The following RNF111 variants were observed in gnomAD, a reference collection of about 807,000 sequenced individuals.
RNF111 encodes ring finger protein 111, also known as E3 ubiquitin-protein ligase Arkadia.
RNF111 carries 17 observed loss-of-function variants against 95.1 expected under a neutral mutation model. That is an observed-to-expected ratio of 0.18 (90% CI 0.12 to 0.27). The LOEUF is 0.27. Ranked by LOEUF, RNF111 falls within the 10% of genes least tolerant of loss-of-function variation. The pLI, the probability that RNF111 is intolerant of heterozygous loss-of-function variation, is 1.00. For synonymous variants in RNF111, 440 were observed against 414.8 expected, an observed-to-expected ratio of 1.06 and a Z score of -0.74; for missense variants, 1,189 against 1,210.4, an observed-to-expected ratio of 0.98 and a Z score of 0.26.
chr15:59,094,686 C>T (rs1342500702), intron 13 of RNF111, 97 bp from the exon 14 acceptor site: 37 of 735,522 alleles, frequency 5.0e-5, no homozygotes, highest in Non-Finnish European at 6.5e-5. Flanking sequence ...TGCTTAGTAC[C>T]TTCAAAACAT....
intron 6 of RNF111, among the ~76,000 whole-genome samples, chr15:59,070,679 G>A (rs144536525): frequency 3.3e-5 from 5 of 152,240 alleles, no homozygotes; most frequent in Non-Finnish European, 5.9e-5. Context: ...AAAGAAAGGA[G>A]CTCCTCCTTT....
intron 2 of RNF111, among the ~76,000 whole-genome samples, chr15:59,042,441 A>G (rs1266601983): frequency 1.4e-4 from 21 of 151,962 alleles, no homozygotes; most frequent in Non-Finnish European, 1.5e-4. Context: ...TTTTTTTCAC[A>G]AGTCATATTT....
intron 4 of RNF111, among the ~76,000 whole-genome samples, chr15:59,056,315 T>A (rs2042198792): frequency 6.6e-6 from 1 of 152,230 alleles, no homozygotes; most frequent in Non-Finnish European, 1.5e-5. Flanking sequence ...TTTTGTATTT[T>A]ATTTTGGCTT....
At chr15:59,027,166 G>A (rs2040655020) in intron 1 of RNF111, among the ~76,000 whole-genome samples, 1 of 152,108 alleles carries the variant, frequency 6.6e-6, no homozygotes, top group Admixed American at 6.5e-5. Context: ...ATCAACATGA[G>A]GACTTAGTAA....
intron 5 of RNF111, among the ~76,000 whole-genome samples, chr15:59,065,662 T>C (rs1243793733): frequency 6.6e-6 from 1 of 152,176 alleles, no homozygotes; most frequent in Non-Finnish European, 1.5e-5. Context: ...TATTAGAGTC[T>C]AATCATTTCT....
At chr15:59,070,269 G>A (rs35527453) in intron 6 of RNF111, among the ~76,000 whole-genome samples, 101,378 of 151,432 alleles carry the variant, frequency 0.67, 34,274 homozygotes, top group Middle Eastern at 0.77. Context: ...TTGTCCTTCG[G>A]GAATAAGAAT....
At chr15:58,994,164 G>T (rs2038943585) in intron 1 of RNF111, among the ~76,000 whole-genome samples, 1 of 149,900 alleles carries the variant, frequency 6.7e-6, no homozygotes, top group Non-Finnish European at 1.5e-5. Flanking sequence ...CACCCTCCCA[G>T]GTAGCTGGGA....
Position 59,058,560 on chromosome 15 carries a change from A to G in RNF111, c.1366+10A>G, listed in dbSNP as rs1003686326. 6.2e-7 allele frequency: 1 copy of G among 1,612,360 alleles called. No individual in the cohort carries two copies. Among genetic ancestry groups the G allele is most frequent in the Admixed American group, 1.7e-5 (1 of 59,968 alleles). On this transcript the variant is annotated intron_variant, in intron 5 of 13. Transcript: ENST00000348370. ...GGCACTTCTATAGGAGGTATGTAAA[A>G]AAGTGGGGGAGGGGAGACTTTTTGT... is the stretch of plus-strand genomic sequence containing the variant.
intron 2 of RNF111, among the ~76,000 whole-genome samples, chr15:59,040,836 C>G (rs1227172273): frequency 6.6e-5 from 10 of 152,102 alleles, no homozygotes; most frequent in African/African-American, 2.4e-4. Flanking sequence ...CATTTAGGTT[C>G]ATTTATTTCA....
intron 2 of RNF111, 146 bp downstream of exon 2, chr15:59,031,848 A>C: frequency 2.8e-6 from 2 of 722,738 alleles, no homozygotes; most frequent in South Asian, 4.2e-5. Context: ...TACCAATTGC[A>C]GTATTAAACC....
chr15:59,034,905 A>G (rs1463862549), intron 2 of RNF111, among the ~76,000 whole-genome samples: 1 of 152,208 alleles, frequency 6.6e-6, no homozygotes, highest in Non-Finnish European at 1.5e-5. Context: ...TTTTTCATAC[A>G]ATGTGCTTGT....
At chr15:59,042,017 T>C (rs1394871006) in intron 2 of RNF111, among the ~76,000 whole-genome samples, 1 of 151,582 alleles carries the variant, frequency 6.6e-6, no homozygotes, top group African/African-American at 2.4e-5. Flanking sequence ...TTCATTCTTC[T>C]ATCCATTTTT....
intron 1 of RNF111, among the ~76,000 whole-genome samples, chr15:59,018,670 A>G (rs927440993): frequency 2.0e-5 from 3 of 152,312 alleles, no homozygotes; most frequent in Admixed American, 1.3e-4. Context: ...TTACAAATGC[A>G]TATATTAATA....
intron 3 of RNF111, among the ~76,000 whole-genome samples, chr15:59,055,226 A>G (rs1327280364): frequency 6.6e-6 from 1 of 152,096 alleles, no homozygotes; most frequent in Non-Finnish European, 1.5e-5. Context: ...GTTTTCTTTT[A>G]TGGCAATACT....
At chr15:59,003,602 G>A (rs1050318974) in intron 1 of RNF111, among the ~76,000 whole-genome samples, 1 of 147,252 alleles carries the variant, frequency 6.8e-6, no homozygotes, top group Admixed American at 6.7e-5. Context: ...GGGTTTTGCC[G>A]TGTTGCCCAG....
At chr15:59,023,851 G>C (rs1383784866) in intron 1 of RNF111, among the ~76,000 whole-genome samples, 3 of 152,278 alleles carry the variant, frequency 2.0e-5, no homozygotes, top group African/African-American at 2.4e-5. Context: ...TGCCAGTCTA[G>C]TTTGAAGATT....
In RNF111 at chr15:59,015,896, G is replaced by C. The variant is rs117478117; in HGVS notation, c.-19-14908G>C. On this transcript the variant is annotated intron_variant, in intron 1 of 13. Transcript: ENST00000348370. ...TATTCGAGACAGGTTCTCACGCCCA[G>C]GTTGGAGTGCAGTGGCGTGATCTTG... 2.0e-4 allele frequency among the ~76,000 whole-genome samples: 30 copies of C among 152,162 alleles called. No homozygotes were observed. The East Asian group carries it at 5.6e-3, about 28-fold the overall frequency.
In RNF111 at chr15:59,094,904, C is replaced by T. The variant is rs1201673173; in HGVS notation, c.*4C>T. 2 of 1,534,344 alleles carry T rather than the reference C, an allele frequency of 1.3e-6. No homozygotes were observed. Among genetic ancestry groups the T allele is most frequent in the East Asian group, 4.5e-5 (2 of 44,478 alleles). Reference sequence around the variant, plus strand: ...CCAGCTGCCAAGTGAAAGTTGACACCATGTTTCAGAACTCTTGCCCTCCCT... The same window carrying T: ...CCAGCTGCCAAGTGAAAGTTGACACTATGTTTCAGAACTCTTGCCCTCCCT... On this transcript the variant is annotated 3_prime_UTR_variant, in exon 14 of 14. Coordinates refer to ENST00000348370, the MANE Select transcript of RNF111 (RefSeq NM_017610.8).
rs182876659 is a variant in RNF111, at chr15:59,087,689, G to A, written c.2550+1904G>A. Among the ~76,000 whole-genome samples the A allele has an allele frequency of 2.1e-3, 318 of 152,248 alleles. 2 individuals are homozygous for A. Among genetic ancestry groups the A allele is most frequent in the Non-Finnish European group, 4.1e-3 (277 of 68,018 alleles). On this transcript the variant is annotated intron_variant, in intron 10 of 13. Transcript: ENST00000348370. ...TCTTTCCTTATTGTCTTCACATTGAGTAAGCTGAAGAGTAGGAAAAGGAGG... is the reference window on the plus strand; with the variant it reads ...TCTTTCCTTATTGTCTTCACATTGAATAAGCTGAAGAGTAGGAAAAGGAGG...
Sources: gnomAD v4.1 joint callset for allele counts (sites outside exome capture counted in the v4.1 genomes callset) on GRCh38, gnomAD v4.1.1 for gene constraint, MANE v1.5 for transcripts, NCBI Gene and HGNC (gene_info 2026-07-23, HGNC 2026-07-21) for gene names.